Variants in PKP4 observed in about 807,000 individuals in gnomAD.
PKP4 encodes the protein plakophilin 4, also known as plakophilin-4.
A neutral mutation model predicts 145.1 loss-of-function variants in PKP4; 90 were observed. The observed-to-expected ratio is 0.62, with a 90% CI of 0.52 to 0.74. The LOEUF (loss-of-function observed/expected upper bound fraction) is 0.74, where lower values mean the gene tolerates loss of function less well. Among genes scored for constraint, PKP4 ranks in the 30% least tolerant of loss-of-function variants. The pLI is 0.00. For missense variants in PKP4, 1,340 were observed against 1,482.7 expected, an observed-to-expected ratio of 0.90 and a Z score of 1.58; for synonymous variants, 563 against 577.2, an observed-to-expected ratio of 0.98 and a Z score of 0.35.
At chr2:158,674,872 T>C (rs562299818) in intron 19 of PKP4, among the ~76,000 whole-genome samples, 1 of 152,356 alleles carries the variant, frequency 6.6e-6, no homozygotes, top group South Asian at 2.1e-4. Flanking sequence ...TTATTTCTCA[T>C]GTGGACAAAT....
Position 158,507,504 on chromosome 2 carries a change from C to T in PKP4, c.-5-25676C>T, listed in dbSNP as rs1025420430. Among the ~76,000 whole-genome samples the T allele has an allele frequency of 3.3e-5, 5 of 152,220 alleles. No homozygotes were observed. In the South Asian group the frequency reaches 1.0e-3, roughly 31 times the overall value. ...GCTAACTCTTTCTAATGTGTTTCAT[C>T]TGGCACTTTGCCAGTTCAGTCCCTT... is the stretch of plus-strand genomic sequence containing the variant. On this transcript the variant is annotated intron_variant, in intron 1 of 21. Coordinates refer to ENST00000389759, the MANE Select transcript of PKP4 (RefSeq NM_003628.6).
chr2:158,535,900 A>G (rs899380927), intron 2 of PKP4, among the ~76,000 whole-genome samples: 21 of 152,204 alleles, frequency 1.4e-4, no homozygotes, highest in African/African-American at 5.1e-4. Flanking sequence ...TTTCTCTTTT[A>G]ACCATGTGAC....
chr2:158,529,606 A>T (rs1574316430), intron 1 of PKP4, among the ~76,000 whole-genome samples: 1 of 152,172 alleles, frequency 6.6e-6, no homozygotes, highest in Non-Finnish European at 1.5e-5. Context: ...GCTCACTTAA[A>T]CGCCCTTCCT....
intron 1 of PKP4, among the ~76,000 whole-genome samples, chr2:158,466,005 A>G (rs1468456102): frequency 6.6e-6 from 1 of 152,244 alleles, no homozygotes; most frequent in Non-Finnish European, 1.5e-5. Flanking sequence ...AGAACTGTGA[A>G]TATAATTTTT....
At chr2:158,499,307 T>C (rs1468307265) in intron 1 of PKP4, among the ~76,000 whole-genome samples, 1 of 152,048 alleles carries the variant, frequency 6.6e-6, no homozygotes, top group Non-Finnish European at 1.5e-5. Flanking sequence ...CAAAAGTGGG[T>C]TCAGCATCCC....
At chr2:158,508,366 C>CAAAAAA (rs747754927) in intron 1 of PKP4, among the ~76,000 whole-genome samples, 11 of 115,872 alleles carry the variant, frequency 9.5e-5, no homozygotes, top group African/African-American at 2.8e-4. Flanking sequence ...AACTCCGTCT[C>CAAAAAA]AAAAAAAAAA....
chr2:158,647,901 TA>T, intron 11 of PKP4, among the ~76,000 whole-genome samples: 1 of 152,318 alleles, frequency 6.6e-6, no homozygotes, highest in East Asian at 1.9e-4. Flanking sequence ...ATCTTGTCAC[TA>T]AAAAAGATAT....
intron 2 of PKP4, among the ~76,000 whole-genome samples, chr2:158,565,164 T>G (rs993475399): frequency 6.6e-6 from 1 of 152,134 alleles, no homozygotes; most frequent in African/African-American, 2.4e-5. Flanking sequence ...AGAGAAAATA[T>G]AAATAGAGTG....
At chr2:158,477,175 T>C (rs1349212780) in intron 1 of PKP4, among the ~76,000 whole-genome samples, 1 of 152,180 alleles carries the variant, frequency 6.6e-6, no homozygotes, top group Non-Finnish European at 1.5e-5. Context: ...TTAGTGCTTG[T>C]AGAATCGCAA....
intron 2 of PKP4, among the ~76,000 whole-genome samples, chr2:158,550,164 T>A (rs2045491128): frequency 6.6e-6 from 1 of 152,232 alleles, no homozygotes; most frequent in African/African-American, 2.4e-5. Flanking sequence ...TCTATTAATG[T>A]GGAAAAATGT....
intron 3 of PKP4, among the ~76,000 whole-genome samples, chr2:158,594,489 G>A (rs2049550743): frequency 6.6e-6 from 1 of 152,116 alleles, no homozygotes; most frequent in African/African-American, 2.4e-5. Flanking sequence ...TGGCTGCTGA[G>A]ATCTTGGGAA....
intron 4 of PKP4, among the ~76,000 whole-genome samples, chr2:158,612,222 G>C (rs1003346341): frequency 6.6e-6 from 1 of 152,052 alleles, no homozygotes; most frequent in Non-Finnish European, 1.5e-5. Flanking sequence ...ACACATTTGA[G>C]TTGTTTGTTT....
At chr2:158,554,861 A>G (rs1308805210) in intron 2 of PKP4, among the ~76,000 whole-genome samples, 1 of 152,192 alleles carries the variant, frequency 6.6e-6, no homozygotes, top group African/African-American at 2.4e-5. Flanking sequence ...AAAAATCAAA[A>G]TGCCACACCT....
intron 1 of PKP4, among the ~76,000 whole-genome samples, chr2:158,512,829 A>G (rs2041629242): frequency 6.6e-6 from 1 of 152,224 alleles, no homozygotes; most frequent in African/African-American, 2.4e-5. Context: ...CTGGAGTAAT[A>G]TATAAACCAG....
In PKP4 at chr2:158,522,291, A is replaced by G. The variant is rs142575370; in HGVS notation, c.-5-10889A>G. Among the ~76,000 whole-genome samples, 35 of 152,334 alleles carry G rather than the reference A, an allele frequency of 2.3e-4. No individual in the cohort carries two copies. In the East Asian group the frequency reaches 6.8e-3, roughly 29 times the overall value. The stretch of plus-strand genomic sequence containing the variant: ...ACTATTATCAGCTCTGGTAAAAGAG[A>G]TTACATATATATTGAATAATAGGTT... On this transcript the variant is annotated intron_variant, in intron 1 of 21. Transcript: ENST00000389759.
chr2:158,649,890 A>G (rs1318060236), intron 11 of PKP4, among the ~76,000 whole-genome samples: 1 of 152,234 alleles, frequency 6.6e-6, no homozygotes, highest in East Asian at 1.9e-4. Context: ...TATAGCTTGC[A>G]GCTGGAGGCA....
chr2:158,641,302 C>T (rs1005019507), intron 10 of PKP4, among the ~76,000 whole-genome samples: 3 of 149,964 alleles, frequency 2.0e-5, no homozygotes, highest in Non-Finnish European at 4.4e-5. Flanking sequence ...CAAGCCACTG[C>T]ACTACAGCCT....
At chr2:158,641,735 A>C (rs1274732297) in intron 10 of PKP4, among the ~76,000 whole-genome samples, 2 of 152,232 alleles carry the variant, frequency 1.3e-5, no homozygotes, top group African/African-American at 4.8e-5. Flanking sequence ...CAAATGGAAG[A>C]AAATTTAAGG....
chr2:158,600,232 C>T (rs1426103723), intron 3 of PKP4, among the ~76,000 whole-genome samples: 7 of 152,170 alleles, frequency 4.6e-5, no homozygotes, highest in Non-Finnish European at 7.3e-5. Flanking sequence ...AAGTTATTAA[C>T]GTATTAAATT....
Sources: allele counts gnomAD v4.1 joint callset (sites outside exome capture counted in the v4.1 genomes callset), GRCh38; gene constraint gnomAD v4.1.1; transcripts MANE v1.5; gene names NCBI Gene and HGNC (gene_info 2026-07-23, HGNC 2026-07-21).